The following SUPT3H variants were observed in gnomAD, a reference collection of about 807,000 sequenced individuals.
The protein encoded by SUPT3H is transcription initiation protein SPT3 homolog.
A neutral mutation model predicts 44.3 loss-of-function variants in SUPT3H; 44 were observed. The observed-to-expected ratio is 0.99, with a 90% CI of 0.78 to 1.28. The LOEUF is 1.28. Among genes scored for constraint, SUPT3H ranks in the 50% most tolerant of loss-of-function variants. The probability of loss-of-function intolerance (pLI) is 0.00; values close to 1 mark genes in which losing one functional copy is unlikely to be tolerated. For synonymous variants in SUPT3H, 124 were observed against 125.6 expected (o/e 0.99, Z 0.09); for missense variants, 380 against 387.1 (o/e 0.98, Z 0.15).
intron 2 of SUPT3H, among the ~76,000 whole-genome samples, chr6:45,235,585 C>G (rs557771931): frequency 1.3e-5 from 2 of 152,076 alleles, no homozygotes; most frequent in African/African-American, 4.8e-5. Context: ...CAAACACACA[C>G]GCGCATTTAT....
At chr6:45,182,170 T>C (rs1813375944) in intron 2 of SUPT3H, among the ~76,000 whole-genome samples, 1 of 152,224 alleles carries the variant, frequency 6.6e-6, no homozygotes, top group South Asian at 2.1e-4. Flanking sequence ...ACGTTTAGTG[T>C]TGAGTATTCT....
intron 10 of SUPT3H, among the ~76,000 whole-genome samples, chr6:44,863,019 A>G (rs1372039639): frequency 1.3e-5 from 2 of 152,194 alleles, no homozygotes; most frequent in East Asian, 3.8e-4. Context: ...GTTAGGAAGC[A>G]AGAGAGCAAC....
intron 2 of SUPT3H, among the ~76,000 whole-genome samples, chr6:45,284,549 A>T (rs1053633151): frequency 6.6e-6 from 1 of 152,240 alleles, no homozygotes; most frequent in Non-Finnish European, 1.5e-5. Flanking sequence ...ACGAGGAAGA[A>T]GTTGAATCTC....
intron 2 of SUPT3H, among the ~76,000 whole-genome samples, chr6:45,190,723 AC>A (rs1249104534): frequency 2.6e-5 from 4 of 152,256 alleles, no homozygotes; most frequent in African/African-American, 9.6e-5. Flanking sequence ...TATACAAAGA[AC>A]CCTTAAAATT....
At chr6:44,883,996 G>C (rs1020006442) in intron 10 of SUPT3H, among the ~76,000 whole-genome samples, 1 of 152,136 alleles carries the variant, frequency 6.6e-6, no homozygotes, top group South Asian at 2.1e-4. Context: ...GACAGCAAAA[G>C]CCAAAATTGA....
intron 2 of SUPT3H, among the ~76,000 whole-genome samples, chr6:45,295,226 C>A (rs1431701917): frequency 2.6e-5 from 4 of 151,570 alleles, no homozygotes; most frequent in Non-Finnish European, 5.9e-5. Context: ...AAAAAACAAA[C>A]AAACAAAACA....
chr6:44,953,794 C>T (rs528223631), intron 8 of SUPT3H, among the ~76,000 whole-genome samples: 106 of 152,180 alleles, frequency 7.0e-4, no homozygotes, highest in Admixed American at 1.3e-3. Context: ...TGCAATGGTG[C>T]GACCTCAGCT....
rs576219946 is a variant in SUPT3H at position 45,255,998 on chromosome 6, C to T, written c.101+109203G>A. ...CATCCTGGCTAACACGGTGAAACCC[C>T]GTCTCTACTAAAGATACAAAAAATT... On this transcript the variant is annotated intron_variant, in intron 2 of 10. Coordinates refer to ENST00000371459, the MANE Select transcript of SUPT3H (RefSeq NM_003599.4). 1.6e-3 allele frequency among the ~76,000 whole-genome samples: 243 copies of T among 152,124 alleles called. 1 individual carries two copies. Among genetic ancestry groups the T allele is most frequent in the African/African-American group, 5.5e-3 (229 of 41,508 alleles).
At chr6:45,240,147 T>C (rs764634159) in intron 2 of SUPT3H, among the ~76,000 whole-genome samples, 13 of 152,094 alleles carry the variant, frequency 8.5e-5, no homozygotes, top group African/African-American at 3.1e-4. Flanking sequence ...CCTGAAACCT[T>C]ATCATGAGCC....
intron 2 of SUPT3H, among the ~76,000 whole-genome samples, chr6:45,268,686 TAAG>T (rs1775649076): frequency 6.6e-6 from 1 of 151,932 alleles, no homozygotes; most frequent in Non-Finnish European, 1.5e-5. Context: ...GTTAGATAAC[TAAG>T]AAGAATGTGT....
Position 45,302,470 on chromosome 6 carries a change from A to C in SUPT3H, c.101+62731T>G, listed in dbSNP as rs1325265746. Among the ~76,000 whole-genome samples, 13 of 139,998 alleles carry C rather than the reference A, an allele frequency of 9.3e-5. No homozygotes were observed. In the East Asian group the frequency reaches 2.0e-3, roughly 21 times the overall value. The allele number at this position is 139,998 out of a possible 152,430, so 91.8% of individuals were successfully genotyped here. On this transcript the variant is annotated intron_variant, in intron 2 of 10. Transcript: ENST00000371459. ...GCTGAGTAGTATTCCATATATACAT[A>C]TATATATATATGGAATATATAATAT...
At chr6:44,969,284 T>C (rs1004956767) in intron 6 of SUPT3H, among the ~76,000 whole-genome samples, 12 of 152,206 alleles carry the variant, frequency 7.9e-5, no homozygotes, top group African/African-American at 2.9e-4. Flanking sequence ...CACACACATA[T>C]GCACGTGTAT....
downstream of SUPT3H, among the ~76,000 whole-genome samples, chr6:44,822,481 C>G (rs905027663): frequency 6.6e-6 from 1 of 152,144 alleles, no homozygotes; most frequent in African/African-American, 2.4e-5. Flanking sequence ...AATAGTCCTA[C>G]TAGTTTGTAA....
chr6:44,866,869 T>C (rs1247286221), intron 10 of SUPT3H, among the ~76,000 whole-genome samples: 1 of 152,176 alleles, frequency 6.6e-6, no homozygotes, highest in Admixed American at 6.5e-5. Context: ...ACACAAATCA[T>C]TACCAAGGGT....
At chr6:44,916,094 C>T (rs484267) in intron 10 of SUPT3H, among the ~76,000 whole-genome samples, 10,163 of 152,120 alleles carry the variant, frequency 0.067, 1,139 homozygotes, top group African/African-American at 0.23. Context: ...GTTAAATTTT[C>T]ACAGGTGTAC....
chr6:44,819,634 G>GA (rs974133110), intron 11 of SUPT3H, among the ~76,000 whole-genome samples: 60 of 146,310 alleles, frequency 4.1e-4, no homozygotes, highest in Middle Eastern at 3.5e-3. Context: ...TCTATAAAAA[G>GA]AAAAAAAAAA....
chr6:44,854,507 T>C (rs998651791), intron 10 of SUPT3H, among the ~76,000 whole-genome samples: 3 of 152,134 alleles, frequency 2.0e-5, no homozygotes, highest in Non-Finnish European at 4.4e-5. Context: ...CGGGAGAGCT[T>C]AGTGGCATCA....
At chr6:44,925,146 A>G (rs898924614) in intron 10 of SUPT3H, among the ~76,000 whole-genome samples, 1 of 152,162 alleles carries the variant, frequency 6.6e-6, no homozygotes, top group Non-Finnish European at 1.5e-5. Flanking sequence ...TGATATGAAA[A>G]CATCTCTAGT....
intron 2 of SUPT3H, among the ~76,000 whole-genome samples, chr6:45,347,177 T>C (rs1385860620): frequency 6.6e-6 from 1 of 152,158 alleles, no homozygotes; most frequent in African/African-American, 2.4e-5. Context: ...AGTGAAATAA[T>C]GGGATATCTG....
Sources: allele counts gnomAD v4.1 joint callset (sites outside exome capture counted in the v4.1 genomes callset), GRCh38; gene constraint gnomAD v4.1.1; transcripts MANE v1.5; gene names NCBI Gene and HGNC (gene_info 2026-07-23, HGNC 2026-07-21).